Variants in RGS12 observed in about 807,000 individuals in gnomAD.
RGS12 encodes the protein regulator of G-protein signaling 12.
RGS12 carries 66 observed loss-of-function variants against 120.1 expected under a neutral mutation model. That is an observed-to-expected ratio of 0.55 (90% CI 0.45 to 0.67). The LOEUF is 0.67. Ranked by LOEUF, RGS12 falls within the 30% of genes least tolerant of loss-of-function variation. RGS12 has a pLI of 0.00. For synonymous variants in RGS12, 827 were observed against 804.7 expected (o/e 1.03, Z -0.47); for missense variants, 1,859 against 1,957.7 (o/e 0.95, Z 0.95).
chr4:3,423,284 G>A (rs1396323534), intron 12 of RGS12, among the ~76,000 whole-genome samples: 1 of 152,224 alleles, frequency 6.6e-6, no homozygotes, highest in Non-Finnish European at 1.5e-5. Flanking sequence ...CCCACAGGTA[G>A]CCAGGCTGCT....
intron 4 of RGS12, among the ~76,000 whole-genome samples, chr4:3,388,374 G>T (rs911931265): frequency 6.6e-6 from 1 of 152,226 alleles, no homozygotes; most frequent in Non-Finnish European, 1.5e-5. Flanking sequence ...CAGTTTCTTT[G>T]CTTATAAGAG....
intron 1 of RGS12, among the ~76,000 whole-genome samples, chr4:3,301,980 T>A (rs1723710226): frequency 7.6e-6 from 1 of 132,200 alleles, no homozygotes; most frequent in South Asian, 2.6e-4. Flanking sequence ...CACATTTAAC[T>A]GGGTATCCTG....
chr4:3,386,553 C>T (rs998361779), intron 4 of RGS12, 116 bp downstream of exon 4: 3 of 897,410 alleles, frequency 3.3e-6, no homozygotes, highest in Non-Finnish European at 5.3e-6. Flanking sequence ...CTTTCCCTGT[C>T]TCCTTGTGGG....
chr4:3,350,862 T>A (rs1055726023), intron 3 of RGS12, among the ~76,000 whole-genome samples: 1 of 152,252 alleles, frequency 6.6e-6, no homozygotes, highest in African/African-American at 2.4e-5. Context: ...ACATACAATA[T>A]GTATAAACAT....
Position 3,437,466 on chromosome 4 carries a change from C to T in RGS12, c.4115-1989C>T, listed in dbSNP as rs144133672. Among the ~76,000 whole-genome samples, 11 of 152,260 alleles carry T rather than the reference C, an allele frequency of 7.2e-5. No individual in the cohort carries two copies. The East Asian group carries it at 1.5e-3, about 21-fold the overall frequency. On this transcript the variant is annotated intron_variant, in intron 17 of 17. Coordinates refer to ENST00000336727, the MANE Select transcript of RGS12 (RefSeq NM_001394154.1). ...ATGCCCAAATGCCCACGGTATTGACCGGCGAGAGGGGGCAAACCCCTGCCT... is the reference window on the plus strand; with the variant it reads ...ATGCCCAAATGCCCACGGTATTGACTGGCGAGAGGGGGCAAACCCCTGCCT...
rs1322375326 is a variant in RGS12, at chr4:3,436,263, T to TG, written c.4115-3189dup. 3.9e-5 allele frequency among the ~76,000 whole-genome samples: 6 copies of TG among 152,132 alleles called. No individual in the cohort carries two copies. The East Asian group carries it at 1.2e-3, about 29-fold the overall frequency. On this transcript the variant is annotated intron_variant, in intron 17 of 17. Transcript: ENST00000336727. ...GGAAGGCTGGGAAGGGAAGGGGCCT[T>TG]GGGAGCCACAGTGGATTGTAGGGTC...
At chr4:3,361,502 T>C (rs1170713694) in intron 3 of RGS12, among the ~76,000 whole-genome samples, 1 of 152,126 alleles carries the variant, frequency 6.6e-6, no homozygotes, top group African/African-American at 2.4e-5. Flanking sequence ...AAAGTGGGCC[T>C]GAAAGCAAGA....
intron 4 of RGS12, among the ~76,000 whole-genome samples, chr4:3,409,008 A>G (rs1011555566): frequency 6.6e-6 from 1 of 151,878 alleles, no homozygotes; most frequent in Non-Finnish European, 1.5e-5. Context: ...ATGGACTGCA[A>G]CCTCTTTCCC....
chr4:3,342,077 G>A (rs1713292018), intron 2 of RGS12, among the ~76,000 whole-genome samples: 1 of 151,852 alleles, frequency 6.6e-6, no homozygotes, highest in African/African-American at 2.4e-5. Context: ...CATGCTGTAG[G>A]TTTCCCTAGG....
In RGS12 at chr4:3,389,335, C is replaced by A. The variant is rs1437865580; in HGVS notation, c.2020+2898C>A. On this transcript the variant is annotated intron_variant, in intron 4 of 17. Transcript: ENST00000336727. The surrounding 1 kb of genome is among the most constrained non-coding windows in gnomAD (Gnocchi z 5.2). ...GGTGGGGGCAGGGAGCAGATTCCAG[C>A]TGGAGAGAAGGAAGCACATTCTAGC... Among the ~76,000 whole-genome samples the A allele has an allele frequency of 6.6e-6, 1 of 152,052 alleles. No individual in the cohort carries two copies. The highest frequency in any genetic ancestry group is 2.4e-5 in the African/African-American group (1 of 41,404).
Position 3,353,602 on chromosome 4 carries a change from T to A in RGS12, c.1998+10549T>A, listed in dbSNP as rs1021686873. 2.6e-5 allele frequency among the ~76,000 whole-genome samples: 4 copies of A among 152,096 alleles called. No homozygotes were observed. In the South Asian group the frequency reaches 8.3e-4, roughly 32 times the overall value. On this transcript the variant is annotated intron_variant, in intron 3 of 17. Transcript: ENST00000336727. ...TTTTCACTAACCGTCTTGGTTTGAGTTGGGGGAAGGAGACTGTGCCACGGG... is the reference window on the plus strand; with the variant it reads ...TTTTCACTAACCGTCTTGGTTTGAGATGGGGGAAGGAGACTGTGCCACGGG...
intron 4 of RGS12, among the ~76,000 whole-genome samples, chr4:3,403,624 A>G (rs1720814008): frequency 6.6e-6 from 1 of 152,226 alleles, no homozygotes; most frequent in Admixed American, 6.5e-5. Flanking sequence ...TCTAACCCTC[A>G]GCAGGCTCTG....
At chr4:3,367,156 A>C (rs1716395141) in intron 3 of RGS12, among the ~76,000 whole-genome samples, 1 of 152,230 alleles carries the variant, frequency 6.6e-6, no homozygotes, top group Non-Finnish European at 1.5e-5. Flanking sequence ...CCTGTTGTCC[A>C]GCTGGGCGGT....
intron 3 of RGS12, among the ~76,000 whole-genome samples, chr4:3,382,201 A>G (rs1718333892): frequency 6.6e-6 from 1 of 152,194 alleles, no homozygotes; most frequent in Non-Finnish European, 1.5e-5. Context: ...ATCATTTTGC[A>G]TTATTTTTTC....
At chr4:3,361,312 G>A (rs978813840) in intron 3 of RGS12, among the ~76,000 whole-genome samples, 6 of 152,184 alleles carry the variant, frequency 3.9e-5, no homozygotes, top group African/African-American at 1.4e-4. Flanking sequence ...TGAGGGCTAC[G>A]TGGGCTTCAC....
At chr4:3,334,577 C>T (rs904701010) in intron 2 of RGS12, among the ~76,000 whole-genome samples, 1 of 152,096 alleles carries the variant, frequency 6.6e-6, no homozygotes, top group Non-Finnish European at 1.5e-5. Flanking sequence ...CCTCTTCCTT[C>T]TCTTTTCCCT....
intron 4 of RGS12, among the ~76,000 whole-genome samples, chr4:3,403,480 G>A (rs1253783385): frequency 1.3e-5 from 2 of 152,228 alleles, no homozygotes; most frequent in African/African-American, 4.8e-5. Flanking sequence ...GCCCAGCATA[G>A]TCACTGATGT....
chr4:3,364,014 T>C (rs773319224), intron 3 of RGS12, among the ~76,000 whole-genome samples: 9 of 152,180 alleles, frequency 5.9e-5, no homozygotes, highest in Non-Finnish European at 1.0e-4. Context: ...TCACATGGTC[T>C]GTGGTTTCAA....
chr4:3,312,536 T>C, intron 1 of RGS12: 1 of 225,562 alleles, frequency 4.4e-6, no homozygotes, highest in East Asian at 1.1e-4. Context: ...AAGATCAGCA[T>C]GTAGGCTTAG....
Sources: allele counts gnomAD v4.1 joint callset (sites outside exome capture counted in the v4.1 genomes callset), GRCh38; gene constraint gnomAD v4.1.1; non-coding constraint Gnocchi (gnomAD v3.1); transcripts MANE v1.5; gene names NCBI Gene and HGNC (gene_info 2026-07-23, HGNC 2026-07-21).